The following SMYD3 variants were observed in gnomAD, a reference collection of about 807,000 sequenced individuals.
SMYD3 encodes histone-lysine N-methyltransferase SMYD3.
SMYD3 carries 36 observed loss-of-function variants against 57.7 expected under a neutral mutation model. The observed-to-expected ratio is 0.62, with a 90% CI of 0.48 to 0.82. SMYD3 has a LOEUF of 0.82. Among genes scored for constraint, SMYD3 ranks in the 40% least tolerant of loss-of-function variants. SMYD3 has a pLI of 0.00. For synonymous variants in SMYD3, 211 were observed against 195.0 expected, an observed-to-expected ratio of 1.08 and a Z score of -0.68; for missense variants, 515 against 538.8, an observed-to-expected ratio of 0.96 and a Z score of 0.44.
At chr1:246,377,071 G>C (rs2066291117) in intron 1 of SMYD3, among the ~76,000 whole-genome samples, 1 of 152,248 alleles carries the variant, frequency 6.6e-6, no homozygotes, top group African/African-American at 2.4e-5. Context: ...TTGTACTCCA[G>C]CCTGGGCGAC....
intron 5 of SMYD3, among the ~76,000 whole-genome samples, chr1:245,934,733 G>A (rs1358316773): frequency 6.6e-6 from 1 of 152,010 alleles, no homozygotes; most frequent in African/African-American, 2.4e-5. Flanking sequence ...CGAGAGTACA[G>A]GTGATTTCGG....
chr1:245,887,813 T>A (rs2053171361), intron 8 of SMYD3, among the ~76,000 whole-genome samples: 1 of 152,180 alleles, frequency 6.6e-6, no homozygotes. Flanking sequence ...ATTCCCATGG[T>A]TGGCCTATGA....
chr1:246,272,295 T>C (rs1373274478), intron 5 of SMYD3, among the ~76,000 whole-genome samples: 1 of 152,226 alleles, frequency 6.6e-6, no homozygotes, highest in African/African-American at 2.4e-5. Context: ...CTAAATGGTC[T>C]AGCTAGAACT....
At chr1:246,051,923 T>G (rs1346080863) in intron 5 of SMYD3, among the ~76,000 whole-genome samples, 3 of 152,164 alleles carry the variant, frequency 2.0e-5, no homozygotes, top group East Asian at 1.9e-4. Context: ...GATTTGAATG[T>G]TTTTTAATCA....
intron 1 of SMYD3, among the ~76,000 whole-genome samples, chr1:246,451,743 A>G (rs2067635954): frequency 6.6e-6 from 1 of 152,268 alleles, no homozygotes; most frequent in African/African-American, 2.4e-5. Flanking sequence ...AAGAGGGTCT[A>G]TGCGAACTCT....
chr1:246,148,130 G>A (rs556932325), intron 5 of SMYD3, among the ~76,000 whole-genome samples: 99 of 152,270 alleles, frequency 6.5e-4, no homozygotes, highest in Middle Eastern at 3.4e-3. Flanking sequence ...GTCCGGGACC[G>A]GAGTGGGGAC....
chr1:245,868,075 T>C (rs1431200392), intron 8 of SMYD3, among the ~76,000 whole-genome samples: 3 of 152,256 alleles, frequency 2.0e-5, no homozygotes, highest in Admixed American at 6.5e-5. Context: ...TGAATGTCTA[T>C]AGCATGGATC....
At chr1:245,949,825 A>ACCTCCCCCCCCCCCCCCCC (rs2057560212) in intron 5 of SMYD3, among the ~76,000 whole-genome samples, 1 of 93,306 alleles carries the variant, frequency 1.1e-5, no homozygotes, top group Non-Finnish European at 1.9e-5. Context: ...AAAGAAACCC[A>ACCTCCCCCCCCCCCCCCCC]CCCCCCCCAC....
At chr1:246,014,791 C>T (rs2059349358) in intron 5 of SMYD3, among the ~76,000 whole-genome samples, 1 of 152,064 alleles carries the variant, frequency 6.6e-6, no homozygotes, top group Non-Finnish European at 1.5e-5. Flanking sequence ...AAGAAGCCTC[C>T]AGGTCTCTCT....
intron 10 of SMYD3, among the ~76,000 whole-genome samples, chr1:245,813,903 T>TAC (rs1553330999): frequency 6.2e-5 from 9 of 145,930 alleles, no homozygotes; most frequent in African/African-American, 2.1e-4. Context: ...TATATATATA[T>TAC]ACAGATGAAT....
intron 5 of SMYD3, among the ~76,000 whole-genome samples, chr1:246,155,267 GA>G (rs1354088095): frequency 1.3e-5 from 2 of 152,008 alleles, no homozygotes; most frequent in South Asian, 2.1e-4. Flanking sequence ...ACTTTAAAAA[GA>G]AAAAAATATT....
intron 1 of SMYD3, among the ~76,000 whole-genome samples, chr1:246,428,465 C>T (rs1307421647): frequency 6.6e-6 from 1 of 152,224 alleles, no homozygotes; most frequent in Non-Finnish European, 1.5e-5. Context: ...ACAGCAAATA[C>T]TATCTGTCAG....
intron 5 of SMYD3, among the ~76,000 whole-genome samples, chr1:246,027,861 G>T (rs1020874832): frequency 6.6e-6 from 1 of 152,152 alleles, no homozygotes; most frequent in African/African-American, 2.4e-5. Flanking sequence ...TGATGGATCT[G>T]GGGACAGTAA....
Position 246,257,625 on chromosome 1 carries a change from G to A in SMYD3, c.531+69576C>T, listed in dbSNP as rs368326272. 8.5e-5 allele frequency among the ~76,000 whole-genome samples: 13 copies of A among 152,280 alleles called. No homozygotes were observed. The East Asian group carries it at 9.6e-4, about 11-fold the overall frequency. On this transcript the variant is annotated intron_variant, in intron 5 of 11. Coordinates refer to ENST00000490107, the MANE Select transcript of SMYD3 (RefSeq NM_001167740.2). ...ACTGTTTAGACCATTTACAATCAAG[G>A]TTAATATTCACATTTGAGGTTTTGA...
At chr1:246,001,248 G>A (rs2059037849) in intron 5 of SMYD3, among the ~76,000 whole-genome samples, 1 of 152,166 alleles carries the variant, frequency 6.6e-6, no homozygotes, top group Non-Finnish European at 1.5e-5. Context: ...GGAAAGTGTT[G>A]CTTCTGACTA....
At chr1:246,286,299 C>T (rs1572338762) in intron 5 of SMYD3, among the ~76,000 whole-genome samples, 1 of 152,142 alleles carries the variant, frequency 6.6e-6, no homozygotes, top group Non-Finnish European at 1.5e-5. Context: ...AGGATACATG[C>T]GCAGGATGTG....
chr1:245,917,922 A>G (rs991238958), intron 7 of SMYD3, among the ~76,000 whole-genome samples: 1 of 152,202 alleles, frequency 6.6e-6, no homozygotes, highest in Non-Finnish European at 1.5e-5. Flanking sequence ...TCTCATGTCT[A>G]CAAAGCATGA....
At chr1:246,135,934 G>C (rs370172330) in intron 5 of SMYD3, among the ~76,000 whole-genome samples, 18 of 152,208 alleles carry the variant, frequency 1.2e-4, no homozygotes, top group African/African-American at 3.6e-4. Context: ...CAAGTGTAAG[G>C]CTTTCCAAAA....
At chr1:245,868,100 T>A (rs2051979738) in intron 8 of SMYD3, among the ~76,000 whole-genome samples, 1 of 152,358 alleles carries the variant, frequency 6.6e-6, no homozygotes, top group South Asian at 2.1e-4. Context: ...AGAAGTGAAC[T>A]AACTTGGTAA....
Sources: gnomAD v4.1 joint callset for allele counts (sites outside exome capture counted in the v4.1 genomes callset) on GRCh38, gnomAD v4.1.1 for gene constraint, MANE v1.5 for transcripts, NCBI Gene and HGNC (gene_info 2026-07-23, HGNC 2026-07-21) for gene names.